The following LRMDA variants were observed in gnomAD, a reference collection of about 807,000 sequenced individuals.
LRMDA encodes the protein leucine rich melanocyte differentiation associated.
LRMDA carries 18 observed loss-of-function variants against 29.8 expected under a neutral mutation model. The ratio of observed to expected loss-of-function variants is 0.60; its 90% CI spans 0.42 to 0.90. The LOEUF is 0.90. LRMDA is among the 40% of genes least tolerant of loss of function. The pLI is 0.00. For synonymous variants in LRMDA, 125 were observed against 109.4 expected, an observed-to-expected ratio of 1.14 and a Z score of -0.89; for missense variants, 273 against 273.9, an observed-to-expected ratio of 1.00 and a Z score of 0.02.
At chr10:76,105,298 G>A (rs1849462599) in intron 5 of LRMDA, among the ~76,000 whole-genome samples, 2 of 151,648 alleles carry the variant, frequency 1.3e-5, no homozygotes, top group South Asian at 4.2e-4. Flanking sequence ...TTTTCCATGG[G>A]TATATTCCAG....
intron 2 of LRMDA, among the ~76,000 whole-genome samples, chr10:75,556,645 C>G (rs1264631417): frequency 6.6e-6 from 1 of 151,936 alleles, no homozygotes; most frequent in Non-Finnish European, 1.5e-5. Context: ...CTATTTAGCC[C>G]CTGAACTCTG....
At chr10:75,942,164 C>G (rs1489528788) in intron 2 of LRMDA, among the ~76,000 whole-genome samples, 1 of 152,072 alleles carries the variant, frequency 6.6e-6, no homozygotes, top group Non-Finnish European at 1.5e-5. Context: ...GACGTGCAGC[C>G]CCTTCAAGAA....
chr10:75,861,202 G>A (rs959753827), intron 2 of LRMDA, among the ~76,000 whole-genome samples: 19 of 152,230 alleles, frequency 1.2e-4, no homozygotes, highest in African/African-American at 4.3e-4. Context: ...ATACCAACAG[G>A]TGGATTGGAA....
In LRMDA at chr10:76,180,834, C is replaced by G. The variant is rs945982035; in HGVS notation, c.516+122051C>G. 5.9e-5 allele frequency among the ~76,000 whole-genome samples: 9 copies of G among 152,126 alleles called. No individual in the cohort carries two copies. The East Asian group carries it at 1.7e-3, about 29-fold the overall frequency. ...TATTTGGAATCTCTAATGCTTGAAT[C>G]TACTGCTTCCAGAAAGCTTTCCTGG... On this transcript the variant is annotated intron_variant, in intron 5 of 6. Coordinates refer to ENST00000611255, the MANE Select transcript of LRMDA (RefSeq NM_001305581.2).
chr10:75,862,154 C>T (rs997941939), intron 2 of LRMDA, among the ~76,000 whole-genome samples: 1 of 146,574 alleles, frequency 6.8e-6, no homozygotes, highest in Non-Finnish European at 1.5e-5. Context: ...TGTTATATAG[C>T]AATAGATAAT....
At chr10:76,555,257 A>C (rs1843541938) in intron 6 of LRMDA, among the ~76,000 whole-genome samples, 1 of 152,174 alleles carries the variant, frequency 6.6e-6, no homozygotes, top group South Asian at 2.1e-4. Context: ...ACGATAAAGG[A>C]AACAGCTCAA....
At chr10:75,993,571 A>G (rs1365138966) in intron 2 of LRMDA, among the ~76,000 whole-genome samples, 1 of 152,018 alleles carries the variant, frequency 6.6e-6, no homozygotes, top group African/African-American at 2.4e-5. Context: ...CATCTCTACT[A>G]AAAATACAAA....
At chr10:75,592,280 G>A (rs545893366) in intron 2 of LRMDA, among the ~76,000 whole-genome samples, 1 of 152,312 alleles carries the variant, frequency 6.6e-6, no homozygotes, top group Non-Finnish European at 1.5e-5. Context: ...GAGGTTGAAT[G>A]ACAGTTACTG....
chr10:75,442,856 A>T (rs1844344975), intron 2 of LRMDA, among the ~76,000 whole-genome samples: 1 of 151,802 alleles, frequency 6.6e-6, no homozygotes, highest in African/African-American at 2.4e-5. Flanking sequence ...ATCTTCCTTT[A>T]TGTGTGTATC....
intron 6 of LRMDA, among the ~76,000 whole-genome samples, chr10:76,415,850 C>T (rs910730799): frequency 5.3e-5 from 8 of 152,220 alleles, no homozygotes; most frequent in Non-Finnish European, 1.2e-4. Context: ...TGAAGGCTGA[C>T]TCCATGTCTT....
rs1172213249 is a variant in LRMDA at position 76,410,298 on chromosome 10, CTTTTTTTTT to C, written c.601+85833_601+85841del. Reference sequence around the variant, plus strand: ...GAGGCTTGGAAAAATCACTTTCTTTCTTTTTTTTTTTTTTTTTTTTTTTTTTTTGAGATA... The same window carrying C: ...GAGGCTTGGAAAAATCACTTTCTTTCTTTTTTTTTTTTTTTTTTTGAGATA... On this transcript the variant is annotated intron_variant, in intron 6 of 6. Transcript: ENST00000611255. 1.2e-4 allele frequency among the ~76,000 whole-genome samples: 8 copies of C among 66,564 alleles called. No homozygotes were observed. The South Asian group carries it at 1.8e-3, about 15-fold the overall frequency. The allele number at this position is 66,564 out of a possible 152,430, so 43.7% of individuals were successfully genotyped here.
chr10:75,677,270 T>C (rs780718689), intron 2 of LRMDA, among the ~76,000 whole-genome samples: 10 of 152,206 alleles, frequency 6.6e-5, no homozygotes, highest in African/African-American at 2.4e-4. Context: ...TTTGGAGATA[T>C]CCCAGAAGAG....
chr10:75,503,659 C>T (rs1282675647), intron 2 of LRMDA, among the ~76,000 whole-genome samples: 1 of 152,042 alleles, frequency 6.6e-6, no homozygotes, highest in Non-Finnish European at 1.5e-5. Flanking sequence ...TTCTGGTTTG[C>T]ATCAAGGTGG....
chr10:75,538,169 T>C (rs1413944803), intron 2 of LRMDA, among the ~76,000 whole-genome samples: 2 of 152,198 alleles, frequency 1.3e-5, no homozygotes, highest in African/African-American at 4.8e-5. Context: ...ATAAAGCAGA[T>C]ACTGATGAGG....
intron 2 of LRMDA, among the ~76,000 whole-genome samples, chr10:75,971,659 A>G (rs955493364): frequency 2.0e-5 from 3 of 152,214 alleles, no homozygotes; most frequent in African/African-American, 4.8e-5. Flanking sequence ...AAACACTCCA[A>G]CTGCAATTTC....
At chr10:76,040,512 G>C (rs986485676) in intron 3 of LRMDA, among the ~76,000 whole-genome samples, 2 of 151,958 alleles carry the variant, frequency 1.3e-5, no homozygotes, top group Admixed American at 1.3e-4. Flanking sequence ...GTTTCATTGA[G>C]ACTGGCCAGG....
chr10:76,235,581 C>G (rs575385410), intron 5 of LRMDA, among the ~76,000 whole-genome samples: 6 of 152,104 alleles, frequency 3.9e-5, no homozygotes, highest in Non-Finnish European at 5.9e-5. Flanking sequence ...CAGCCTGCGA[C>G]AGGGTCTTTC....
chr10:75,612,457 G>A (rs58458501), intron 2 of LRMDA, among the ~76,000 whole-genome samples: 14,664 of 151,950 alleles, frequency 0.097, 2,250 homozygotes, highest in African/African-American at 0.32. Context: ...TCTTTTATAA[G>A]ACATTAAACT....
chr10:76,105,489 T>C (rs1849466465), intron 5 of LRMDA, among the ~76,000 whole-genome samples: 1 of 152,048 alleles, frequency 6.6e-6, no homozygotes, highest in African/African-American at 2.4e-5. Context: ...CCTATATTAG[T>C]GTAAGCCCTC....
Sources: gnomAD v4.1 joint callset for allele counts (sites outside exome capture counted in the v4.1 genomes callset) on GRCh38, gnomAD v4.1.1 for gene constraint, MANE v1.5 for transcripts, NCBI Gene and HGNC (gene_info 2026-07-23, HGNC 2026-07-21) for gene names.